AGAP1: variants seen among roughly 807,000 people sequenced by gnomAD.
AGAP1 encodes the protein arf-GAP with GTPase, ANK repeat and PH domain-containing protein 1.
A neutral mutation model predicts 105.3 loss-of-function variants in AGAP1; 29 were observed. The observed-to-expected ratio is 0.28, with a 90% confidence interval of 0.21 to 0.38. AGAP1 has a LOEUF of 0.38. Among genes scored for constraint, AGAP1 ranks in the 10% least tolerant of loss-of-function variants. The pLI is 1.00. For synonymous variants in AGAP1, 509 were observed against 485.9 expected, an observed-to-expected ratio of 1.05 and a Z score of -0.63; for missense variants, 998 against 1,165.1, an observed-to-expected ratio of 0.86 and a Z score of 2.09.
At chr2:236,057,468 G>C (rs915504355) in intron 16 of AGAP1, among the ~76,000 whole-genome samples, 2 of 152,116 alleles carry the variant, frequency 1.3e-5, no homozygotes, top group African/African-American at 4.8e-5. Flanking sequence ...TCTTCCATCA[G>C]TGCTAATCCT....
intron 9 of AGAP1, among the ~76,000 whole-genome samples, chr2:235,839,763 T>G (rs1960592555): frequency 6.6e-6 from 1 of 152,168 alleles, no homozygotes; most frequent in Non-Finnish European, 1.5e-5. Context: ...TGTACCTCCT[T>G]TCCAGGAGAT....
intron 16 of AGAP1, among the ~76,000 whole-genome samples, chr2:236,054,819 G>A (rs1355799827): frequency 6.6e-6 from 1 of 152,080 alleles, no homozygotes; most frequent in East Asian, 1.9e-4. Context: ...AATTTGCCAC[G>A]ATCACCGAGC....
rs1352557116 is a variant in AGAP1, at chr2:235,744,771, A to G, written c.470A>G (p.His157Arg). ...EDEISFQTVY[H>R]YYSRMANYRN... The stretch of plus-strand genomic sequence containing the variant: ...GAAATAAGTTTCCAGACCGTTTACC[A>G]CTACTACAGTCGAATGGCCAACTAT... Residue 157 changes from histidine (H) to arginine (R), a missense_variant, in exon 5 of 18, where the codon CAC (histidine) becomes CGC (arginine). Around this residue, in one of 3 missense-constraint regions of AGAP1, gnomAD observed 735 missense variants for 833.4 expected, o/e 0.88. Coordinates refer to ENST00000304032, the MANE Select transcript of AGAP1 (RefSeq NM_001037131.3). This position sits in a 1 kb window ranked among gnomAD's most constrained non-coding sequence, Gnocchi z 5.2. 5 of 1,613,840 alleles carry G rather than the reference A, an allele frequency of 3.1e-6. No homozygotes were observed. The highest frequency in any genetic ancestry group is 4.2e-6 in the Non-Finnish European group (5 of 1,180,044).
chr2:235,520,214 T>G (rs1942563093), intron 1 of AGAP1, among the ~76,000 whole-genome samples: 1 of 152,260 alleles, frequency 6.6e-6, no homozygotes, highest in Admixed American at 6.5e-5. Context: ...GAACAGTTCC[T>G]TAATATGGTC....
At position 235,655,829 on chromosome 2, in the gene AGAP1, A is replaced by AT. The variant is rs1050108668; in HGVS notation, c.164-53343dup. On this transcript the variant is annotated intron_variant, in intron 1 of 17. Coordinates refer to ENST00000304032, the MANE Select transcript of AGAP1 (RefSeq NM_001037131.3). The surrounding 1 kb of genome is among the most constrained non-coding windows in gnomAD (Gnocchi z 4.3). Reference sequence around the variant, plus strand: ...TTTATTCAGTAGAAATTTCCAAGGTATTTTTTTAAGTGAGGCACCATCCTG... The same window carrying AT: ...TTTATTCAGTAGAAATTTCCAAGGTATTTTTTTTAAGTGAGGCACCATCCTG... Among the ~76,000 whole-genome samples, 2 of 152,106 alleles carry AT rather than the reference A, an allele frequency of 1.3e-5. No homozygotes were observed. Among genetic ancestry groups the AT allele is most frequent in the African/African-American group, 2.4e-5 (1 of 41,428 alleles).
chr2:236,087,893 T>C lies in AGAP1; in HGVS notation c.2115-32299T>C, dbSNP rs1035689248. Among the ~76,000 whole-genome samples, 3 of 152,210 alleles carry C rather than the reference T, an allele frequency of 2.0e-5. No homozygotes were observed. The highest frequency in any genetic ancestry group is 7.2e-5 in the African/African-American group (3 of 41,448). On this transcript the variant is annotated intron_variant, in intron 16 of 17. Coordinates refer to ENST00000304032, the MANE Select transcript of AGAP1 (RefSeq NM_001037131.3). This position sits in a 1 kb window ranked among gnomAD's most constrained non-coding sequence, Gnocchi z 5.7. Reference sequence around the variant, plus strand: ...CAGCAGGTCCTCTCTGGTTGGGACCTGCTTAAAGATGTGTAAAGACCTTGA... The same window carrying C: ...CAGCAGGTCCTCTCTGGTTGGGACCCGCTTAAAGATGTGTAAAGACCTTGA...
chr2:236,045,177 A>C lies in AGAP1; in HGVS notation c.1892-3882A>C, dbSNP rs1559221980. Among the ~76,000 whole-genome samples, 2 of 151,986 alleles carry C rather than the reference A, an allele frequency of 1.3e-5. No homozygotes were observed. Among genetic ancestry groups the C allele is most frequent in the Non-Finnish European group, 2.9e-5 (2 of 67,988 alleles). ...GCGATCCTCCCCCATTGACCTCCCA[A>C]AGTGCTGGGATTATAGGCAGGAGCC... On this transcript the variant is annotated intron_variant, in intron 15 of 17. Coordinates refer to ENST00000304032, the MANE Select transcript of AGAP1 (RefSeq NM_001037131.3). This position sits in a 1 kb window ranked among gnomAD's most constrained non-coding sequence, Gnocchi z 6.9.
chr2:235,651,348 GC>G (rs1559315093), intron 1 of AGAP1, among the ~76,000 whole-genome samples: 1 of 151,976 alleles, frequency 6.6e-6, no homozygotes, highest in Non-Finnish European at 1.5e-5. Context: ...ATCTCCATCA[GC>G]AATGTTCTTA....
intron 9 of AGAP1, among the ~76,000 whole-genome samples, chr2:235,833,840 C>T (rs1959767064): frequency 6.9e-6 from 1 of 145,648 alleles, no homozygotes; most frequent in African/African-American, 2.5e-5. Context: ...CATCTCACTC[C>T]AATCCTCCAA....
intron 1 of AGAP1, among the ~76,000 whole-genome samples, chr2:235,647,416 C>T (rs185931672): frequency 1.3e-5 from 2 of 152,210 alleles, no homozygotes; most frequent in Admixed American, 1.3e-4. Context: ...GAGACAATGT[C>T]TTGCTCTGTC....
chr2:235,923,565 C>T (rs566652344), intron 11 of AGAP1, among the ~76,000 whole-genome samples: 39 of 142,880 alleles, frequency 2.7e-4, no homozygotes, highest in Non-Finnish European at 4.5e-4. Flanking sequence ...TTTCTCACTC[C>T]GTAGATGGGT....
chr2:235,506,466 C>T (rs1247301205), intron 1 of AGAP1, among the ~76,000 whole-genome samples: 1 of 151,540 alleles, frequency 6.6e-6, no homozygotes, highest in Admixed American at 6.6e-5. Flanking sequence ...CTGCAGTGAG[C>T]TATGATTGCA....
At chr2:236,098,822 C>T (rs1259424767) in intron 16 of AGAP1, among the ~76,000 whole-genome samples, 1 of 151,694 alleles carries the variant, frequency 6.6e-6, no homozygotes, top group Non-Finnish European at 1.5e-5. Flanking sequence ...AACAGGGTCT[C>T]ATATTGACCA....
rs1371987945 is a variant in AGAP1 at position 235,931,294 on chromosome 2, G to A, written c.1483+371G>A. Among the ~76,000 whole-genome samples the A allele has an allele frequency of 2.0e-5, 3 of 152,082 alleles. No homozygotes were observed. The highest frequency in any genetic ancestry group is 4.4e-5 in the Non-Finnish European group (3 of 68,012). Reference sequence around the variant, plus strand: ...CAATCACACTGCCCTACGTGGCGTGGCCCACACTCTTCCACCACTAGTGCA... The same window carrying A: ...CAATCACACTGCCCTACGTGGCGTGACCCACACTCTTCCACCACTAGTGCA... On this transcript the variant is annotated intron_variant, in intron 12 of 17. Transcript: ENST00000304032. This position sits in a 1 kb window ranked among gnomAD's most constrained non-coding sequence, Gnocchi z 5.6.
At position 235,804,868 on chromosome 2, in the gene AGAP1, C is replaced by T. The variant is rs114467680; in HGVS notation, c.958-2371C>T. On this transcript the variant is annotated intron_variant, in intron 8 of 17. Transcript: ENST00000304032. ...GCAGGGCAGGGTCACTCCTGGCAGA[C>T]GCCGTGGGTGCTGAGGGCTGCCTTG... Among the ~76,000 whole-genome samples the T allele has an allele frequency of 5.4e-3, 826 of 152,302 alleles. 8 individuals carry two copies. Among genetic ancestry groups the T allele is most frequent in the African/African-American group, 0.019 (796 of 41,570 alleles).
rs935820233 is a variant in AGAP1 at position 235,961,588 on chromosome 2, G to A, written c.1484-6874G>A. 1.3e-5 allele frequency among the ~76,000 whole-genome samples: 2 copies of A among 152,176 alleles called. No homozygotes were observed. The highest frequency in any genetic ancestry group is 4.8e-5 in the African/African-American group (2 of 41,434). On this transcript the variant is annotated intron_variant, in intron 12 of 17. Transcript: ENST00000304032. The surrounding 1 kb of genome is among the most constrained non-coding windows in gnomAD (Gnocchi z 5.9). ...AGTCAAATGTCCAGGGTGGAGGTGT[G>A]CGGCCAAGGGAGAGTTGTGTTAAAA...
chr2:236,043,293 C>T (rs1056248605), intron 15 of AGAP1, among the ~76,000 whole-genome samples: 1 of 152,140 alleles, frequency 6.6e-6, no homozygotes, highest in African/African-American at 2.4e-5. Flanking sequence ...TTGAGTAAGG[C>T]GGGTGCAGAG....
chr2:236,102,348 G>T (rs2059374436), intron 16 of AGAP1, among the ~76,000 whole-genome samples: 1 of 149,958 alleles, frequency 6.7e-6, no homozygotes, highest in African/African-American at 2.5e-5. Flanking sequence ...AACCCGGGAG[G>T]CAGAGCTTGC....
chr2:235,851,874 C>T (rs1003554655), intron 9 of AGAP1, among the ~76,000 whole-genome samples: 7 of 152,130 alleles, frequency 4.6e-5, no homozygotes, highest in African/African-American at 7.2e-5. Context: ...GTAATTTTGG[C>T]GACAAGCAGT....
Sources: allele counts gnomAD v4.1 joint callset (sites outside exome capture counted in the v4.1 genomes callset), GRCh38; gene constraint gnomAD v4.1.1; regional missense constraint gnomAD v4.1.1; non-coding constraint Gnocchi (gnomAD v3.1); transcripts MANE v1.5; gene names NCBI Gene and HGNC (gene_info 2026-07-23, HGNC 2026-07-21).